GRM5: variants seen among roughly 807,000 people sequenced by gnomAD.
GRM5 encodes glutamate metabotropic receptor 5, also known as metabotropic glutamate receptor 5.
GRM5 carries 19 observed loss-of-function variants against 83.1 expected under a neutral mutation model. The ratio of observed to expected loss-of-function variants is 0.23; its 90% CI spans 0.16 to 0.34. The LOEUF is 0.34. Among genes scored for constraint, GRM5 ranks in the 10% least tolerant of loss-of-function variants. The probability of loss-of-function intolerance (pLI) is 1.00; values close to 1 mark genes in which losing one functional copy is unlikely to be tolerated. For missense variants in GRM5, 1,160 were observed against 1,588.3 expected (o/e 0.73, Z 4.58); for synonymous variants, 675 against 633.6 (o/e 1.07, Z -0.98).
intron 1 of GRM5, 56 bp from the exon 2 acceptor site, chr11:89,048,128 G>T (rs1941682783): frequency 1.6e-5 from 7 of 435,990 alleles, no homozygotes; most frequent in South Asian, 3.5e-5. Context: ...ACTAGTTTGG[G>T]GAAGTTCTAT....
At chr11:89,014,159 A>T (rs1310693250) in intron 2 of GRM5, among the ~76,000 whole-genome samples, 1 of 152,124 alleles carries the variant, frequency 6.6e-6, no homozygotes, top group Non-Finnish European at 1.5e-5. Context: ...ACACACAAAC[A>T]CATAATCACA....
rs544266070 is a variant in GRM5, at chr11:89,021,367, C to A, written c.661+25845G>T. On this transcript the variant is annotated intron_variant, in intron 2 of 9. Transcript: ENST00000305447. ...AGCCAAGGTTCCTGCTGTCAGCTCA[C>A]TGGACTGGCAACTCATTGGATAACT... is the stretch of plus-strand genomic sequence containing the variant. Among the ~76,000 whole-genome samples the A allele has an allele frequency of 2.0e-5, 3 of 152,316 alleles. No homozygotes were observed. The South Asian group carries it at 6.2e-4, about 32-fold the overall frequency.
At chr11:88,759,457 A>G (rs1444256958) in intron 3 of GRM5, among the ~76,000 whole-genome samples, 4 of 152,194 alleles carry the variant, frequency 2.6e-5, no homozygotes, top group African/African-American at 9.6e-5. Flanking sequence ...ATTTAAACCA[A>G]CAAACATCAA....
intron 3 of GRM5, among the ~76,000 whole-genome samples, chr11:88,811,806 C>T (rs1248897887): frequency 6.6e-6 from 1 of 151,922 alleles, no homozygotes; most frequent in South Asian, 2.1e-4. Context: ...CACCCTGCCC[C>T]TTCCAGATCC....
intron 3 of GRM5, among the ~76,000 whole-genome samples, chr11:88,670,743 C>T (rs1250659006): frequency 2.0e-5 from 3 of 151,992 alleles, no homozygotes; most frequent in African/African-American, 4.8e-5. Context: ...AAGCTAAAAC[C>T]ACTACGAATA....
chr11:89,065,331 GAGAC>G (rs1942078832), intron 1 of GRM5, among the ~76,000 whole-genome samples: 2 of 151,282 alleles, frequency 1.3e-5, no homozygotes, highest in South Asian at 4.2e-4. Flanking sequence ...GAGAGAGAGA[GAGAC>G]AGACACACAG....
chr11:89,032,860 C>A (rs1941294247), intron 2 of GRM5, among the ~76,000 whole-genome samples: 1 of 152,016 alleles, frequency 6.6e-6, no homozygotes, highest in African/African-American at 2.4e-5. Context: ...CCTTCCAGAT[C>A]TGAAACTTAA....
intron 2 of GRM5, among the ~76,000 whole-genome samples, chr11:88,960,019 G>A (rs1938734975): frequency 6.6e-6 from 1 of 152,098 alleles, no homozygotes; most frequent in Admixed American, 6.5e-5. Context: ...CTGGATGAAG[G>A]GAGGAAGCAA....
rs376845035 is a variant in GRM5 at position 88,778,248 on chromosome 11, C to T, written c.911+71658G>A. Among the ~76,000 whole-genome samples the T allele has an allele frequency of 6.7e-4, 102 of 152,360 alleles. 1 individual carries two copies. Among genetic ancestry groups the T allele is most frequent in the African/African-American group, 2.2e-3 (93 of 41,592 alleles). On this transcript the variant is annotated intron_variant, in intron 3 of 9. Transcript: ENST00000305447. ...CAGGGAGCAAGGCTCCATGGGCGTG[C>T]GACCTGCTTAGCCAGGCATGGGAGA...
intron 1 of GRM5, among the ~76,000 whole-genome samples, chr11:89,057,244 A>AATTGGT (rs1941897015): frequency 6.6e-6 from 1 of 152,142 alleles, no homozygotes; most frequent in Non-Finnish European, 1.5e-5. Flanking sequence ...AATGCATCTG[A>AATTGGT]TATATTTTTC....
chr11:88,935,553 T>C (rs1261426836), intron 2 of GRM5, among the ~76,000 whole-genome samples: 1 of 151,776 alleles, frequency 6.6e-6, no homozygotes, highest in African/African-American at 2.4e-5. Flanking sequence ...AGAGATTTCT[T>C]TAGGAAAATC....
chr11:88,744,084 C>G (rs535512887), intron 3 of GRM5, among the ~76,000 whole-genome samples: 1 of 152,224 alleles, frequency 6.6e-6, no homozygotes, highest in African/African-American at 2.4e-5. Context: ...ATTTTAAGGG[C>G]AGATTAATCA....
chr11:88,603,303 A>G (rs1453759706), intron 5 of GRM5, among the ~76,000 whole-genome samples: 3 of 152,176 alleles, frequency 2.0e-5, no homozygotes, highest in African/African-American at 7.2e-5. Flanking sequence ...ACCTGATATA[A>G]AAACTCTTGA....
chr11:88,857,219 T>C (rs969839631), intron 2 of GRM5, among the ~76,000 whole-genome samples: 10 of 152,120 alleles, frequency 6.6e-5, no homozygotes, highest in South Asian at 2.1e-4. Flanking sequence ...ATTAGAAGCA[T>C]ATGAGAATGC....
intron 9 of GRM5, among the ~76,000 whole-genome samples, chr11:88,520,756 T>C (rs1234060628): frequency 6.6e-6 from 1 of 152,142 alleles, no homozygotes; most frequent in African/African-American, 2.4e-5. Flanking sequence ...CAAGACATTG[T>C]ATTTGGGGCT....
chr11:88,763,789 A>T (rs894328729), intron 3 of GRM5, among the ~76,000 whole-genome samples: 1 of 151,832 alleles, frequency 6.6e-6, no homozygotes, highest in Non-Finnish European at 1.5e-5. Flanking sequence ...ACGATAAAAA[A>T]TCAGATAAAC....
intron 3 of GRM5, among the ~76,000 whole-genome samples, chr11:88,792,176 A>G (rs1943186759): frequency 6.6e-6 from 1 of 152,088 alleles, no homozygotes; most frequent in African/African-American, 2.4e-5. Context: ...GTTGGGCTTT[A>G]CACTAAAATC....
rs1330061877 is a variant in GRM5 at position 89,033,720 on chromosome 11, CAAAT to C, written c.661+13488_661+13491del. On this transcript the variant is annotated intron_variant, in intron 2 of 9. Coordinates refer to ENST00000305447, the MANE Select transcript of GRM5 (RefSeq NM_001143831.3). ...AGAAAAATTTCCAGCCAAACATACTCAAATTACTAATCTCTAAAGTCACAAATAA... is the reference window on the plus strand; with the variant it reads ...AGAAAAATTTCCAGCCAAACATACTCTACTAATCTCTAAAGTCACAAATAA... Among the ~76,000 whole-genome samples the C allele has an allele frequency of 2.0e-5, 3 of 151,846 alleles. No homozygotes were observed. The East Asian group carries it at 5.8e-4, about 29-fold the overall frequency.
At chr11:88,692,681 C>T (rs986370936) in intron 3 of GRM5, among the ~76,000 whole-genome samples, 2 of 152,194 alleles carry the variant, frequency 1.3e-5, no homozygotes, top group Non-Finnish European at 2.9e-5. Context: ...TGCAACAAGA[C>T]TCCATTTTCT....
Sources: allele counts gnomAD v4.1 joint callset (sites outside exome capture counted in the v4.1 genomes callset), GRCh38; gene constraint gnomAD v4.1.1; transcripts MANE v1.5; gene names NCBI Gene and HGNC (gene_info 2026-07-23, HGNC 2026-07-21).